The following STK32B variants were observed in gnomAD, a reference collection of about 807,000 sequenced individuals.
STK32B encodes serine/threonine-protein kinase 32B.
STK32B carries 43 observed loss-of-function variants against 52.6 expected under a neutral mutation model. The observed-to-expected ratio is 0.82, with a 90% CI of 0.64 to 1.05. The LOEUF (loss-of-function observed/expected upper bound fraction) is 1.05, where lower values mean the gene tolerates loss of function less well. Ranked by LOEUF, STK32B falls within the 50% of genes least tolerant of loss-of-function variation. The pLI, the probability that STK32B is intolerant of heterozygous loss-of-function variation, is 0.00. For missense variants in STK32B, 621 were observed against 534.6 expected, an observed-to-expected ratio of 1.16 and a Z score of -1.59; for synonymous variants, 238 against 204.3, an observed-to-expected ratio of 1.17 and a Z score of -1.41.
chr4:5,460,124 A>G lies in STK32B; in HGVS notation c.805A>G (p.Ser269Gly). 1.2e-6 allele frequency: 2 copies of G among 1,614,190 alleles called. No individual in the cohort carries two copies. The highest frequency in any genetic ancestry group is 1.7e-6 in the Non-Finnish European group (2 of 1,180,038). The change falls in exon 9 of 12, where the codon AGC becomes GGC. Residue 269 changes from serine (S) to glycine (G), a missense_variant. Coordinates refer to ENST00000282908, the MANE Select transcript of STK32B (RefSeq NM_018401.3). The surrounding 1 kb of genome is among the most constrained non-coding windows in gnomAD (Gnocchi z 4.8). ...GCAGCTCCTGACCAAGGATCCTGAG[A>G]GCCGCGTGTCCAGCCTTCATGACAT... ...LRKLLTKDPE[S>G]RVSSLHDIQS...
At chr4:5,459,868 A>G (rs372196729) in intron 8 of STK32B, among the ~76,000 whole-genome samples, 13 of 152,284 alleles carry the variant, frequency 8.5e-5, no homozygotes, top group Middle Eastern at 3.4e-3. Flanking sequence ...TCCCTGCCCT[A>G]ACAGTCCCTC....
Position 5,378,137 on chromosome 4 carries a change from G to A in STK32B, c.435-20070G>A, listed in dbSNP as rs1735698237. Among the ~76,000 whole-genome samples, 2 of 152,190 alleles carry A rather than the reference G, an allele frequency of 1.3e-5. No homozygotes were observed. Among genetic ancestry groups the A allele is most frequent in the Non-Finnish European group, 1.5e-5 (1 of 68,040 alleles). ...AGGAAAATTAAAAAGAACTGAAAAA[G>A]GAGTAACTGCCTCCCCGTCTGTCTG... is the stretch of plus-strand genomic sequence containing the variant. On this transcript the variant is annotated intron_variant, in intron 4 of 11. Coordinates refer to ENST00000282908, the MANE Select transcript of STK32B (RefSeq NM_018401.3). The surrounding 1 kb of genome is among the most constrained non-coding windows in gnomAD (Gnocchi z 4.4).
Position 5,430,284 on chromosome 4 carries a change from C to T in STK32B, c.562+13350C>T, listed in dbSNP as rs138491929. ...GCCCTCTTCTCCCCATCCCCCACCA[C>T]ACTGTTGTCTCTTAGTGTTTCACTT... is the stretch of plus-strand genomic sequence containing the variant. On this transcript the variant is annotated intron_variant, in intron 6 of 11. Coordinates refer to ENST00000282908, the MANE Select transcript of STK32B (RefSeq NM_018401.3). Among the ~76,000 whole-genome samples, 700 of 152,314 alleles carry T rather than the reference C, an allele frequency of 4.6e-3. 5 individuals are homozygous for T. The highest frequency in any genetic ancestry group is 7.4e-3 in the Non-Finnish European group (503 of 68,020).
chr4:5,070,460 G>A (rs776329508), intron 1 of STK32B, among the ~76,000 whole-genome samples: 8 of 152,118 alleles, frequency 5.3e-5, no homozygotes, highest in Non-Finnish European at 8.8e-5. Flanking sequence ...TCATTGTAGG[G>A]GCTTGAGGGG....
chr4:5,471,007 G>T (rs747052427), intron 11 of STK32B, among the ~76,000 whole-genome samples: 3 of 152,208 alleles, frequency 2.0e-5, no homozygotes, highest in Non-Finnish European at 4.4e-5. Flanking sequence ...AATCTCTGCA[G>T]ACCTGGCCAT....
chr4:5,265,050 A>C (rs1337423584), intron 3 of STK32B, among the ~76,000 whole-genome samples: 1 of 152,204 alleles, frequency 6.6e-6, no homozygotes, highest in Non-Finnish European at 1.5e-5. Flanking sequence ...CCTTCTAGAA[A>C]ATATATTTAA....
At chr4:5,204,458 T>TTTTTGTTTTGTTTTGTTTTGTTTTG (rs10694962) in intron 3 of STK32B, among the ~76,000 whole-genome samples, 5,026 of 146,808 alleles carry the variant, frequency 0.034, 126 homozygotes, top group African/African-American at 0.063. Flanking sequence ...TTTTTAGGTT[T>TTTTTGTTTTGTTTTGTTTTGTTTTG]TTTTGTTTTG....
chr4:5,131,232 C>G (rs1341441594), intron 1 of STK32B, among the ~76,000 whole-genome samples: 1 of 152,206 alleles, frequency 6.6e-6, no homozygotes, highest in East Asian at 1.9e-4. Flanking sequence ...TAAGGGCTTG[C>G]TCTGCCTCCC....
intron 11 of STK32B, among the ~76,000 whole-genome samples, chr4:5,495,924 C>G (rs557681404): frequency 6.6e-6 from 1 of 152,170 alleles, no homozygotes; most frequent in South Asian, 2.1e-4. Flanking sequence ...GCTCTCTGAT[C>G]GTTCCTCTGG....
intron 3 of STK32B, among the ~76,000 whole-genome samples, chr4:5,196,280 G>C (rs966348543): frequency 6.0e-5 from 9 of 150,636 alleles, no homozygotes; most frequent in African/African-American, 2.2e-4. Context: ...CACCCCGCGA[G>C]GTTCTCTTCT....
chr4:5,278,329 C>T lies in STK32B; in HGVS notation c.261-52891C>T, dbSNP rs116438601. On this transcript the variant is annotated intron_variant, in intron 3 of 11. Transcript: ENST00000282908. ...GGGTCTGAGCCAATGCTGCAGCTGC[C>T]CAGGGGGCAGATCAAGGAGCTGAGC... 7.5e-3 allele frequency among the ~76,000 whole-genome samples: 1,149 copies of T among 152,194 alleles called. 14 individuals carry two copies. Among genetic ancestry groups the T allele is most frequent in the African/African-American group, 0.025 (1,031 of 41,514 alleles).
At position 5,470,709 on chromosome 4, in the gene STK32B, A is replaced by G. The variant is rs6846105; in HGVS notation, c.1106+2639A>G. On this transcript the variant is annotated intron_variant, in intron 11 of 11. Coordinates refer to ENST00000282908, the MANE Select transcript of STK32B (RefSeq NM_018401.3). The surrounding 1 kb of genome is among the most constrained non-coding windows in gnomAD (Gnocchi z 4.6). ...CTGCAGTTTCTCAGCAGTAAAAAAA[A>G]TGCCTATGAGAAGTTGATTCATGAC... Among the ~76,000 whole-genome samples, 950 of 152,302 alleles carry G rather than the reference A, an allele frequency of 6.2e-3. 15 individuals are homozygous for G. The highest frequency in any genetic ancestry group is 0.022 in the African/African-American group (910 of 41,556).
chr4:5,156,901 G>T (rs1055389762), intron 2 of STK32B, among the ~76,000 whole-genome samples: 2 of 151,850 alleles, frequency 1.3e-5, no homozygotes, highest in Non-Finnish European at 2.9e-5. Context: ...ATCATTTCCA[G>T]ACCCAAGCAT....
At chr4:5,486,759 G>T (rs898844897) in intron 11 of STK32B, among the ~76,000 whole-genome samples, 3 of 152,210 alleles carry the variant, frequency 2.0e-5, no homozygotes, top group African/African-American at 7.2e-5. Context: ...CCCCTAAAAT[G>T]TTTTATTTGG....
In STK32B at chr4:5,444,396, C is replaced by T. The variant is rs570753598; in HGVS notation, c.563-2277C>T. On this transcript the variant is annotated intron_variant, in intron 6 of 11. Coordinates refer to ENST00000282908, the MANE Select transcript of STK32B (RefSeq NM_018401.3). ...CCGTCCGTCACCCCTTTCTTTGACT[C>T]GGAAAGGGAACTCCCTGACCCCTTG... Among the ~76,000 whole-genome samples the T allele has an allele frequency of 4.6e-5, 7 of 152,330 alleles. No homozygotes were observed. In the East Asian group the frequency reaches 1.4e-3, roughly 30 times the overall value.
At position 5,492,727 on chromosome 4, in the gene STK32B, C is replaced by G. The variant is rs536018915; in HGVS notation, c.1107-6218C>G. On this transcript the variant is annotated intron_variant, in intron 11 of 11. Transcript: ENST00000282908. The stretch of plus-strand genomic sequence containing the variant: ...GGCTGTGGGTTTGTCATAGATAGCT[C>G]TTACTATTTTGAGATACGTCCCATC... Among the ~76,000 whole-genome samples the G allele has an allele frequency of 3.0e-4, 45 of 151,348 alleles. 3 individuals carry two copies. In the Middle Eastern group the frequency reaches 0.014, roughly 46 times the overall value.
At chr4:5,333,378 C>T (rs1345796351) in intron 4 of STK32B, among the ~76,000 whole-genome samples, 1 of 152,082 alleles carries the variant, frequency 6.6e-6, no homozygotes, top group African/African-American at 2.4e-5. Context: ...TGGATATTAG[C>T]CCTTTGTCAG....
intron 6 of STK32B, chr4:5,438,206 A>T: frequency 1.1e-6 from 1 of 880,540 alleles, no homozygotes; most frequent in South Asian, 5.3e-5. Context: ...AGGACTGAGA[A>T]GAGGAACAGG....
intron 8 of STK32B, among the ~76,000 whole-genome samples, chr4:5,457,291 C>T (rs1716631874): frequency 6.8e-6 from 1 of 148,044 alleles, no homozygotes; most frequent in African/African-American, 2.5e-5. Flanking sequence ...TCTCGACTCA[C>T]TGCAAGCTCC....
Sources: allele counts gnomAD v4.1 joint callset (sites outside exome capture counted in the v4.1 genomes callset), GRCh38; gene constraint gnomAD v4.1.1; non-coding constraint Gnocchi (gnomAD v3.1); transcripts MANE v1.5; gene names NCBI Gene and HGNC (gene_info 2026-07-23, HGNC 2026-07-21).